The following CNTLN variants were observed in gnomAD, a reference collection of about 807,000 sequenced individuals.
CNTLN encodes the protein centlein, also known as centlein, centrosomal protein.
CNTLN carries 212 observed loss-of-function variants against 180.0 expected under a neutral mutation model. That is an observed-to-expected ratio of 1.18 (90% CI 1.05 to 1.32). The LOEUF (loss-of-function observed/expected upper bound fraction) is 1.32. Among genes scored for constraint, CNTLN ranks in the 40% most tolerant of loss-of-function variants. The probability of loss-of-function intolerance (pLI) is 0.00; values close to 1 mark genes in which losing one functional copy is unlikely to be tolerated. For missense variants in CNTLN, 2,095 were observed against 1,610.9 expected, an observed-to-expected ratio of 1.30 and a Z score of -5.14; for synonymous variants, 722 against 563.1, an observed-to-expected ratio of 1.28 and a Z score of -3.99.
At chr9:17,356,563 GA>G (rs1225385844) in intron 12 of CNTLN, among the ~76,000 whole-genome samples, 1 of 152,090 alleles carries the variant, frequency 6.6e-6, no homozygotes, top group Non-Finnish European at 1.5e-5. Flanking sequence ...TTATAGCTAA[GA>G]AAATAATATA....
chr9:17,474,433 A>G (rs1470251670), intron 23 of CNTLN, among the ~76,000 whole-genome samples: 1 of 152,098 alleles, frequency 6.6e-6, no homozygotes, highest in Non-Finnish European at 1.5e-5. Context: ...CTCCTGTTTG[A>G]AAATAGACCC....
At chr9:17,231,723 C>G (rs1414054460) in intron 3 of CNTLN, among the ~76,000 whole-genome samples, 3 of 151,972 alleles carry the variant, frequency 2.0e-5, no homozygotes, top group Admixed American at 2.0e-4. Context: ...AGTTTCATGT[C>G]CATTTTGAAA....
chr9:17,259,255 C>T (rs2132345433), intron 5 of CNTLN, among the ~76,000 whole-genome samples: 1 of 149,012 alleles, frequency 6.7e-6, no homozygotes, highest in Middle Eastern at 3.4e-3. Flanking sequence ...GTCTTTGGTT[C>T]TGTTTATATG....
intron 1 of CNTLN, among the ~76,000 whole-genome samples, chr9:17,135,932 A>G (rs970970847): frequency 6.6e-6 from 1 of 152,234 alleles, no homozygotes; most frequent in African/African-American, 2.4e-5. Context: ...AGTAACGTTT[A>G]GAAAGTCTCA....
intron 12 of CNTLN, among the ~76,000 whole-genome samples, chr9:17,354,716 A>T (rs946286898): frequency 2.6e-5 from 4 of 152,116 alleles, no homozygotes; most frequent in Non-Finnish European, 4.4e-5. Flanking sequence ...AATCAGCAGG[A>T]TGTGGGTGGG....
intron 2 of CNTLN, among the ~76,000 whole-genome samples, chr9:17,188,656 A>G (rs537130932): frequency 2.4e-4 from 37 of 152,062 alleles, no homozygotes; most frequent in African/African-American, 8.4e-4. Flanking sequence ...GTTTTCTGAT[A>G]TTTTCTTCTG....
intron 2 of CNTLN, among the ~76,000 whole-genome samples, chr9:17,169,880 T>C (rs1052640757): frequency 3.9e-5 from 6 of 152,202 alleles, no homozygotes; most frequent in South Asian, 2.1e-4. Context: ...TAGCTAGTCA[T>C]GATCTTTTGC....
intron 2 of CNTLN, among the ~76,000 whole-genome samples, chr9:17,159,431 C>G (rs1031986284): frequency 6.6e-6 from 1 of 152,154 alleles, no homozygotes; most frequent in African/African-American, 2.4e-5. Flanking sequence ...GGAAGGGAGG[C>G]AGCAGCCTAA....
chr9:17,180,695 C>G (rs1267477863), intron 2 of CNTLN, among the ~76,000 whole-genome samples: 1 of 151,936 alleles, frequency 6.6e-6, no homozygotes, highest in Non-Finnish European at 1.5e-5. Context: ...ATTTAGAAAA[C>G]TTACTTTAGC....
intron 18 of CNTLN, among the ~76,000 whole-genome samples, chr9:17,443,866 G>C (rs527933030): frequency 5.3e-5 from 8 of 152,082 alleles, no homozygotes; most frequent in African/African-American, 1.7e-4. Context: ...ACTGTACAGA[G>C]AATGTGGAGG....
chr9:17,301,709 C>A (rs1818366404), intron 7 of CNTLN: 1 of 954,398 alleles, frequency 1.0e-6, no homozygotes, highest in East Asian at 1.2e-4. Context: ...TGAAAATATT[C>A]TTCTTATTTA....
intron 5 of CNTLN, among the ~76,000 whole-genome samples, chr9:17,256,055 G>C (rs987948415): frequency 6.6e-6 from 1 of 151,818 alleles, no homozygotes; most frequent in Non-Finnish European, 1.5e-5. Context: ...GAGGATAATG[G>C]CTTCCAGCTA....
chr9:17,170,227 G>T (rs1452623063), intron 2 of CNTLN, among the ~76,000 whole-genome samples: 1 of 152,112 alleles, frequency 6.6e-6, no homozygotes, highest in East Asian at 1.9e-4. Context: ...TTCATATGCT[G>T]ATTTTGTATT....
chr9:17,267,881 G>C (rs922322611), intron 5 of CNTLN, among the ~76,000 whole-genome samples: 1 of 152,100 alleles, frequency 6.6e-6, no homozygotes, highest in East Asian at 1.9e-4. Context: ...TTGGTTTTCA[G>C]CTCCATCAGG....
intron 6 of CNTLN, among the ~76,000 whole-genome samples, chr9:17,289,223 G>A (rs1265355833): frequency 2.3e-4 from 26 of 112,456 alleles, no homozygotes; most frequent in African/African-American, 1.1e-3. Context: ...AAATCTCTCA[G>A]CATTTGCTTG....
rs374064354 is a variant in CNTLN at position 17,332,698 on chromosome 9, A to G, written c.1612A>G (p.Ile538Val). Reference protein sequence around the residue: ...LQKLRKAERKIENLEKALQLK... With the variant: ...LQKLRKAERKVENLEKALQLK... The stretch of plus-strand genomic sequence containing the variant: ...GAAGCTGAGAAAAGCTGAAAGAAAG[A>G]TTGAAAACTTAGAGAAGGCACTACA... The change falls in exon 10 of 26, where the codon ATT (isoleucine) becomes GTT (valine). Residue 538 changes from isoleucine to valine, a missense_variant. By Grantham distance (29) the Ile-to-Val change is conservative. Transcript: ENST00000380647. 54 of 1,605,930 alleles carry G rather than the reference A, an allele frequency of 3.4e-5. No individual in the cohort carries two copies. Among genetic ancestry groups the G allele is most frequent in the Non-Finnish European group, 4.5e-5 (53 of 1,177,030 alleles).
chr9:17,373,948 C>T (rs529026892), intron 13 of CNTLN, among the ~76,000 whole-genome samples: 2 of 152,078 alleles, frequency 1.3e-5, no homozygotes, highest in East Asian at 1.9e-4. Flanking sequence ...TATGTCTTGC[C>T]ATATACAAAA....
intron 18 of CNTLN, among the ~76,000 whole-genome samples, chr9:17,420,918 G>A (rs1295039236): frequency 1.3e-5 from 2 of 152,094 alleles, no homozygotes; most frequent in Non-Finnish European, 2.9e-5. Context: ...TGTGATCAGA[G>A]AAAATGCTTG....
At chr9:17,308,017 C>T (rs1006606688) in intron 7 of CNTLN, among the ~76,000 whole-genome samples, 8 of 141,200 alleles carry the variant, frequency 5.7e-5, no homozygotes, top group African/African-American at 2.2e-4. Flanking sequence ...CACACACACA[C>T]ATTTTCGTTC....
Sources: gnomAD v4.1 joint callset for allele counts (sites outside exome capture counted in the v4.1 genomes callset) on GRCh38, gnomAD v4.1.1 for gene constraint, MANE v1.5 for transcripts, NCBI Gene and HGNC (gene_info 2026-07-23, HGNC 2026-07-21) for gene names.